Variants in TARBP1 observed in about 807,000 individuals in gnomAD.
The protein encoded by TARBP1 is tRNA (guanosine(18)-2'-O)-methyltransferase TARBP1.
In TARBP1, 144 loss-of-function variants were observed where a neutral mutation model predicts 178.6. That is an observed-to-expected ratio of 0.81 (90% CI 0.70 to 0.93). The LOEUF is 0.93. Ranked by LOEUF, TARBP1 falls within the 40% of genes least tolerant of loss-of-function variation. The probability of loss-of-function intolerance (pLI) is 0.00; values close to 1 mark genes in which losing one functional copy is unlikely to be tolerated. For synonymous variants in TARBP1, 787 were observed against 781.0 expected (o/e 1.01, Z -0.13); for missense variants, 2,067 against 2,011.7 (o/e 1.03, Z -0.53).
chr1:234,462,156 C>G (rs1380803098), intron 6 of TARBP1, among the ~76,000 whole-genome samples: 1 of 152,218 alleles, frequency 6.6e-6, no homozygotes, highest in African/African-American at 2.4e-5. Context: ...ACTCATGACA[C>G]TAGGAAGATG....
intron 1 of TARBP1, among the ~76,000 whole-genome samples, chr1:234,477,617 C>G (rs913079934): frequency 6.6e-6 from 1 of 152,206 alleles, no homozygotes; most frequent in Non-Finnish European, 1.5e-5. Context: ...AAATCTGATT[C>G]ATTCTATTAA....
chr1:234,474,245 A>AACACACACACACAC lies in TARBP1; in HGVS notation c.932-1448_932-1435dup, dbSNP rs35976593. Among the ~76,000 whole-genome samples the AACACACACACACAC allele has an allele frequency of 1.2e-4, 10 of 81,592 alleles. No homozygotes were observed. The East Asian group carries it at 2.0e-3, about 17-fold the overall frequency. 53.5% of individuals were successfully genotyped at this position (81,592 alleles called of 152,430 possible). Reference sequence around the variant, plus strand: ...GGCAAGAGCGAGGATTTGTCTCTAAAACACACACACACACACACACACACA... The same window carrying AACACACACACACAC: ...GGCAAGAGCGAGGATTTGTCTCTAAAACACACACACACACACACACACACACACACACACACACA... On this transcript the variant is annotated intron_variant, in intron 1 of 29. Transcript: ENST00000040877.
chr1:234,421,697 A>G (rs146728887), intron 20 of TARBP1, among the ~76,000 whole-genome samples: 2 of 152,370 alleles, frequency 1.3e-5, no homozygotes, highest in Non-Finnish European at 2.9e-5. Context: ...CTGGCTTTTC[A>G]TGGCTTGTGC....
At chr1:234,447,692 A>G (rs1332982687) in intron 11 of TARBP1, among the ~76,000 whole-genome samples, 1 of 152,202 alleles carries the variant, frequency 6.6e-6, no homozygotes, top group Non-Finnish European at 1.5e-5. Context: ...CAAATATCCT[A>G]CCTGATCTAC....
chr1:234,403,207 T>C (rs375195688), intron 24 of TARBP1, among the ~76,000 whole-genome samples: 4 of 152,210 alleles, frequency 2.6e-5, no homozygotes, highest in African/African-American at 9.6e-5. Flanking sequence ...GGGACTGCTC[T>C]GTTGCTTCCC....
At chr1:234,409,703 A>T (rs1176861870) in intron 23 of TARBP1, among the ~76,000 whole-genome samples, 1 of 152,250 alleles carries the variant, frequency 6.6e-6, no homozygotes, top group Non-Finnish European at 1.5e-5. Flanking sequence ...TAGAACACTG[A>T]AAAATTCTAG....
chr1:234,474,614 G>C (rs1466504210), intron 1 of TARBP1, among the ~76,000 whole-genome samples: 1 of 152,176 alleles, frequency 6.6e-6, no homozygotes, highest in Non-Finnish European at 1.5e-5. Context: ...ACAGGATTCA[G>C]AATGGTTTCA....
At chr1:234,464,887 CA>C (rs1668268708) in intron 5 of TARBP1, among the ~76,000 whole-genome samples, 1 of 152,162 alleles carries the variant, frequency 6.6e-6, no homozygotes, top group African/African-American at 2.4e-5. Flanking sequence ...ACAATCCTGA[CA>C]AACTTCTCAC....
chr1:234,407,736 C>T (rs1661412191), intron 23 of TARBP1: 2 of 152,126 alleles, frequency 1.3e-5, no homozygotes, highest in Non-Finnish European at 2.9e-5. Context: ...TTGTTGCTCA[C>T]ACTGTTTCAG....
At position 234,430,199 on chromosome 1, in the gene TARBP1, G is replaced by T. The variant is rs138023326; in HGVS notation, c.2497C>A (p.Leu833Ile). 92 of 1,614,228 alleles carry T rather than the reference G, an allele frequency of 5.7e-5. No individual in the cohort carries two copies. The African/African-American group carries it at 8.3e-4, about 14-fold the overall frequency. The change falls in exon 15 of 30, where the codon CTC (leucine) becomes ATC (isoleucine). Residue 833 changes from leucine to isoleucine, a missense_variant. By Grantham distance (5) the Leu-to-Ile change is conservative. Coordinates refer to ENST00000040877, the MANE Select transcript of TARBP1 (RefSeq NM_005646.4). ...AAGCTTTCCAGGGGCCCAGCATGGA[G>T]AGAGTCCAGCTGCAGCTCAGGCTTC... ...DQKPELQLDS[L>I]HAGPLESFLS...
chr1:234,452,598 C>T (rs1016244029), intron 9 of TARBP1, among the ~76,000 whole-genome samples: 3 of 152,176 alleles, frequency 2.0e-5, no homozygotes, highest in Non-Finnish European at 4.4e-5. Flanking sequence ...GCAGTAAGAA[C>T]TCTCATTCTT....
At chr1:234,414,283 G>C (rs1275224036) in intron 22 of TARBP1, among the ~76,000 whole-genome samples, 1 of 152,188 alleles carries the variant, frequency 6.6e-6, no homozygotes, top group African/African-American at 2.4e-5. Context: ...GCCAACTCCT[G>C]ATCTAGAGTC....
intron 21 of TARBP1, among the ~76,000 whole-genome samples, chr1:234,418,837 C>T (rs528376670): frequency 4.1e-4 from 63 of 152,332 alleles, no homozygotes; most frequent in African/African-American, 1.3e-3. Context: ...CCTATCTAAG[C>T]AGCAGGTGAA....
chr1:234,465,727 AAAG>A lies in TARBP1; in HGVS notation c.1249-22_1249-20del. On this transcript the variant is annotated intron_variant, in intron 4 of 29. Coordinates refer to ENST00000040877, the MANE Select transcript of TARBP1 (RefSeq NM_005646.4). The stretch of plus-strand genomic sequence containing the variant: ...TAATAAACTAAAAAAAAAAAAAAAA[AAAG>A]ACACGTAATTGAAACTTAGTTGTAA... 1 of 1,555,960 alleles carries A rather than the reference AAAG, an allele frequency of 6.4e-7. No individual in the cohort carries two copies. Among genetic ancestry groups the A allele is most frequent in the East Asian group, 2.3e-5 (1 of 43,220 alleles).
chr1:234,411,113 C>A (rs111685877), intron 22 of TARBP1, among the ~76,000 whole-genome samples: 5,424 of 152,068 alleles, frequency 0.036, 141 homozygotes, highest in South Asian at 0.081. Context: ...TCTGTATGCA[C>A]GAGTTCTGCA....
At chr1:234,478,117 C>T (rs1669738453) in intron 1 of TARBP1, 56 bp downstream of exon 1, 3 of 1,551,102 alleles carry the variant, frequency 1.9e-6, no homozygotes, top group African/African-American at 1.4e-5. Flanking sequence ...CAGGAAGACT[C>T]CCCTCTGGGG....
intron 1 of TARBP1, among the ~76,000 whole-genome samples, chr1:234,477,924 A>G (rs757709034): frequency 1.4e-4 from 22 of 152,158 alleles, no homozygotes; most frequent in Non-Finnish European, 3.1e-4. Flanking sequence ...TTCCTAAACT[A>G]TTCCAGGGGT....
chr1:234,392,387 A>T, intron 29 of TARBP1, 29 bp downstream of exon 29: 1 of 1,607,414 alleles, frequency 6.2e-7, no homozygotes. Flanking sequence ...GGCTCAGAGA[A>T]TATACTATGG....
intron 9 of TARBP1, among the ~76,000 whole-genome samples, chr1:234,450,801 T>C (rs1181778679): frequency 6.6e-6 from 1 of 152,076 alleles, no homozygotes; most frequent in Admixed American, 6.6e-5. Context: ...ATGTGAGATA[T>C]ATATATATAT....
Sources: gnomAD v4.1 joint callset for allele counts (sites outside exome capture counted in the v4.1 genomes callset) on GRCh38, gnomAD v4.1.1 for gene constraint, MANE v1.5 for transcripts, NCBI Gene and HGNC (gene_info 2026-07-23, HGNC 2026-07-21) for gene names.